The following PALLD variants were observed in gnomAD, a reference collection of about 807,000 sequenced individuals.
PALLD encodes palladin.
A neutral mutation model predicts 123.5 loss-of-function variants in PALLD; 61 were observed. The observed-to-expected ratio is 0.49, with a 90% confidence interval of 0.40 to 0.61. PALLD has a LOEUF of 0.61. Among genes scored for constraint, PALLD ranks in the 20% least tolerant of loss-of-function variants. The pLI is 0.00. For synonymous variants in PALLD, 465 were observed against 496.4 expected (o/e 0.94, Z 0.84); for missense variants, 1,273 against 1,377.0 (o/e 0.92, Z 1.20).
intron 10 of PALLD, among the ~76,000 whole-genome samples, chr4:168,804,978 G>A (rs1306148466): frequency 3.3e-5 from 5 of 152,194 alleles, no homozygotes; most frequent in Admixed American, 1.3e-4. Context: ...GGCCAACATG[G>A]TGAAACCCCA....
chr4:168,605,558 G>A (rs1460319668), intron 2 of PALLD, among the ~76,000 whole-genome samples: 2 of 152,202 alleles, frequency 1.3e-5, no homozygotes, highest in African/African-American at 4.8e-5. Flanking sequence ...GAAATGTGAG[G>A]ACTGTGATCA....
At position 168,878,321 on chromosome 4, in the gene PALLD, A is replaced by G. The variant is rs1032107869; in HGVS notation, c.1965-12601A>G. ...CAGCCAGACGCCCGCGGCCTTCCTC[A>G]GCGCTCTGCTGCCCTCGCAGCCGCC... On this transcript the variant is annotated intron_variant, in intron 10 of 21. Coordinates refer to ENST00000505667, the MANE Select transcript of PALLD (RefSeq NM_001166108.2). 1.3e-6 allele frequency: 2 copies of G among 1,524,960 alleles called. No homozygotes were observed. Among genetic ancestry groups the G allele is most frequent in the Admixed American group, 2.0e-5 (1 of 50,316 alleles). The allele number at this position is 1,524,960 out of a possible 1,614,324, so 94.5% of individuals were successfully genotyped here. A position where few individuals can be genotyped will look rare whatever the true frequency, so the allele number is the denominator to read the frequency against.
intron 10 of PALLD, among the ~76,000 whole-genome samples, chr4:168,887,401 G>A (rs763683190): frequency 2.6e-5 from 4 of 152,146 alleles, no homozygotes; most frequent in African/African-American, 9.7e-5. Context: ...CCAGTTCTCC[G>A]CTCCTCCGAT....
chr4:168,891,176 T>C, intron 11 of PALLD, 119 bp downstream of exon 11: 1 of 1,072,294 alleles, frequency 9.3e-7, no homozygotes, highest in Non-Finnish European at 1.4e-6. Flanking sequence ...ATTATTATTA[T>C]TTTTGAGACA....
At chr4:168,590,475 A>G (rs1771293042) in intron 2 of PALLD, among the ~76,000 whole-genome samples, 1 of 152,240 alleles carries the variant, frequency 6.6e-6, no homozygotes, top group Admixed American at 6.5e-5. Context: ...CCCTGTTAAA[A>G]TATCATCAGA....
At chr4:168,799,224 A>C (rs536614262) in intron 10 of PALLD, among the ~76,000 whole-genome samples, 1 of 152,304 alleles carries the variant, frequency 6.6e-6, no homozygotes, top group South Asian at 2.1e-4. Context: ...TTACAGATGC[A>C]AACTTTTAGG....
chr4:168,863,537 G>A (rs923814003), intron 10 of PALLD, among the ~76,000 whole-genome samples: 4 of 152,174 alleles, frequency 2.6e-5, no homozygotes, highest in African/African-American at 9.6e-5. Flanking sequence ...TGAGGAAGCA[G>A]TGAAGGATGC....
chr4:168,691,830 A>T (rs1434531828), intron 8 of PALLD, among the ~76,000 whole-genome samples: 1 of 152,090 alleles, frequency 6.6e-6, no homozygotes, highest in Admixed American at 6.5e-5. Flanking sequence ...ACTCTTAATT[A>T]TCAGGTCGTT....
intron 3 of PALLD, among the ~76,000 whole-genome samples, chr4:168,677,188 T>A (rs1382684435): frequency 6.6e-6 from 1 of 151,978 alleles, no homozygotes; most frequent in African/African-American, 2.4e-5. Context: ...TTTTTTTTTT[T>A]TCTCCTGACC....
intron 2 of PALLD, among the ~76,000 whole-genome samples, chr4:168,512,734 G>A (rs1271835036): frequency 1.3e-5 from 2 of 152,180 alleles, no homozygotes; most frequent in East Asian, 1.9e-4. Flanking sequence ...TTATTTACTC[G>A]AAGTACTGTG....
chr4:168,553,960 C>T (rs1422175957), intron 2 of PALLD, among the ~76,000 whole-genome samples: 3 of 152,150 alleles, frequency 2.0e-5, no homozygotes, highest in Admixed American at 1.3e-4. Flanking sequence ...TTTGTGACAA[C>T]GGCGATTTTA....
chr4:168,556,101 C>T (rs981370472), intron 2 of PALLD, among the ~76,000 whole-genome samples: 4 of 150,660 alleles, frequency 2.7e-5, no homozygotes, highest in African/African-American at 7.3e-5. Context: ...ATATTAATAC[C>T]CTTTTTTTTT....
At chr4:168,815,395 A>G (rs1741757192) in intron 10 of PALLD, among the ~76,000 whole-genome samples, 1 of 152,260 alleles carries the variant, frequency 6.6e-6, no homozygotes, top group African/African-American at 2.4e-5. Context: ...AACTGGTGGA[A>G]ATAGTTGAAA....
At chr4:168,548,345 G>GAAAAA (rs5863941) in intron 2 of PALLD, among the ~76,000 whole-genome samples, 2 of 141,478 alleles carry the variant, frequency 1.4e-5, no homozygotes. Context: ...TCTAACTCAG[G>GAAAAA]AAAAAAAAAA....
intron 2 of PALLD, among the ~76,000 whole-genome samples, chr4:168,639,998 C>A (rs1156967401): frequency 6.6e-6 from 1 of 152,168 alleles, no homozygotes; most frequent in Non-Finnish European, 1.5e-5. Context: ...TGAACTATAT[C>A]CAAGTGCTCC....
At chr4:168,780,650 T>C (rs980087325) in intron 10 of PALLD, among the ~76,000 whole-genome samples, 25 of 152,222 alleles carry the variant, frequency 1.6e-4, no homozygotes, top group African/African-American at 6.0e-4. Flanking sequence ...ATATATTTAA[T>C]GTGCATGTGC....
chr4:168,691,972 A>C (rs2150126879), intron 8 of PALLD, among the ~76,000 whole-genome samples: 1 of 152,304 alleles, frequency 6.6e-6, no homozygotes, highest in South Asian at 2.1e-4. Flanking sequence ...TTGTCTAGGT[A>C]CTTCATCGTA....
chr4:168,888,351 G>T (rs1006983796), intron 10 of PALLD, among the ~76,000 whole-genome samples: 7 of 152,046 alleles, frequency 4.6e-5, no homozygotes, highest in African/African-American at 1.7e-4. Context: ...ACTACAAGGA[G>T]ATTCGATGCA....
intron 10 of PALLD, among the ~76,000 whole-genome samples, chr4:168,841,429 T>C (rs1746017344): frequency 6.6e-6 from 1 of 152,254 alleles, no homozygotes; most frequent in African/African-American, 2.4e-5. Flanking sequence ...TTAAAAATCC[T>C]GAAGACCAGT....
Sources: allele counts gnomAD v4.1 joint callset (sites outside exome capture counted in the v4.1 genomes callset), GRCh38; gene constraint gnomAD v4.1.1; transcripts MANE v1.5; gene names NCBI Gene and HGNC (gene_info 2026-07-23, HGNC 2026-07-21).